Variants in STMN3 observed in about 807,000 individuals in gnomAD.
The protein encoded by STMN3 is stathmin-3.
STMN3 carries 24 observed loss-of-function variants against 23.2 expected under a neutral mutation model. That is an observed-to-expected ratio of 1.03 (90% CI 0.75 to 1.45). The LOEUF (loss-of-function observed/expected upper bound fraction) is 1.45. STMN3 is among the 40% of genes most tolerant of loss of function. The pLI is 0.00. For synonymous variants in STMN3, 117 were observed against 103.4 expected, an observed-to-expected ratio of 1.13 and a Z score of -0.80; for missense variants, 235 against 237.6, an observed-to-expected ratio of 0.99 and a Z score of 0.07.
intron 4 of STMN3, 55 bp from the exon 5 acceptor site, chr20:63,641,452 G>A (rs1235936033): frequency 3.4e-6 from 5 of 1,469,606 alleles, no homozygotes; most frequent in Non-Finnish European, 4.6e-6. Context: ...GGGCGACTCC[G>A]GGAACCCCCA....
Position 63,641,255 on chromosome 20 carries a change from T to C in STMN3, c.*83A>G. ...GGGGGTGGGGGAGGAGGAACAAAAG[T>C]TGCATCTAGACAGAGGTGAACGAAA... On this transcript the variant is annotated 3_prime_UTR_variant, in exon 5 of 5. Coordinates refer to ENST00000370053, the MANE Select transcript of STMN3 (RefSeq NM_015894.4). The C allele has an allele frequency of 7.8e-7, 1 of 1,279,150 alleles. No individual in the cohort carries two copies. Among genetic ancestry groups the C allele is most frequent in the African/African-American group, 1.5e-5 (1 of 67,544 alleles). 79.2% of individuals were successfully genotyped at this position (1,279,150 alleles called of 1,614,324 possible).
At chr20:63,651,715 C>T (rs1348129402) in intron 1 of STMN3, among the ~76,000 whole-genome samples, 1 of 152,244 alleles carries the variant, frequency 6.6e-6, no homozygotes, top group Non-Finnish European at 1.5e-5. Context: ...CCAGCACCGT[C>T]ATCTCTACCC....
At chr20:63,649,087 A>T (rs1286220703) in intron 1 of STMN3, among the ~76,000 whole-genome samples, 1 of 152,176 alleles carries the variant, frequency 6.6e-6, no homozygotes, top group Non-Finnish European at 1.5e-5. Flanking sequence ...GGTGCGGCTC[A>T]GCATCTGATG....
chr20:63,649,349 G>C (rs2089840319), intron 1 of STMN3, among the ~76,000 whole-genome samples: 3 of 152,270 alleles, frequency 2.0e-5, no homozygotes, highest in Admixed American at 2.0e-4. Context: ...GGCTGGTCAG[G>C]GGCGAGGCAG....
chr20:63,640,165 G>T lies in STMN3; in HGVS notation c.*1173C>A, dbSNP rs959633537. 1.3e-5 allele frequency: 2 copies of T among 152,740 alleles called. No homozygotes were observed. The highest frequency in any genetic ancestry group is 4.8e-5 in the African/African-American group (2 of 41,444). 9.5% of individuals were successfully genotyped at this position (152,740 alleles called of 1,614,324 possible). ...GGGCCAGGCAGCAGCTTTGGGATGG[G>T]GCTTCCGTGGAGAAGTGGGGGATGC... is the stretch of plus-strand genomic sequence containing the variant. On this transcript the variant is annotated 3_prime_UTR_variant, in exon 5 of 5. Coordinates refer to ENST00000370053, the MANE Select transcript of STMN3 (RefSeq NM_015894.4).
intron 1 of STMN3, among the ~76,000 whole-genome samples, chr20:63,647,967 T>C (rs1338293361): frequency 1.7e-4 from 14 of 83,466 alleles, no homozygotes; most frequent in Admixed American, 2.7e-4. Flanking sequence ...TATGTATATA[T>C]ATATATATAT....
intron 1 of STMN3, among the ~76,000 whole-genome samples, chr20:63,646,417 C>A (rs1287065230): frequency 5.9e-5 from 9 of 151,974 alleles, no homozygotes; most frequent in African/African-American, 9.7e-5. Context: ...TGCAGTGGTG[C>A]GATCTCGGCT....
intron 1 of STMN3, among the ~76,000 whole-genome samples, chr20:63,645,155 C>CG (rs2089800234): frequency 6.6e-6 from 1 of 152,208 alleles, no homozygotes; most frequent in Non-Finnish European, 1.5e-5. Context: ...CTACTTCTCT[C>CG]TCCCCTCCTC....
At position 63,639,715 on chromosome 20, in the gene STMN3, T is replaced by C. The variant is rs2089744297; in HGVS notation, c.*1623A>G. ...ACACACAGACAGTTCAACCATGTCTTAAACACACAGGTGTTTATTTAATTG... is the reference window on the plus strand; with the variant it reads ...ACACACAGACAGTTCAACCATGTCTCAAACACACAGGTGTTTATTTAATTG... On this transcript the variant is annotated 3_prime_UTR_variant, in exon 5 of 5. Coordinates refer to ENST00000370053, the MANE Select transcript of STMN3 (RefSeq NM_015894.4). The C allele has an allele frequency of 6.6e-6, 1 of 152,376 alleles. No individual in the cohort carries two copies. The highest frequency in any genetic ancestry group is 1.5e-5 in the Non-Finnish European group (1 of 68,072). 9.4% of individuals were successfully genotyped at this position (152,376 alleles called of 1,614,324 possible). A position where few individuals can be genotyped will look rare whatever the true frequency, so the allele number is the denominator to read the frequency against.
rs775359293 is a variant in STMN3, at chr20:63,644,313, T to G, written c.20-4A>C. On this transcript the variant is annotated splice_region_variant and splice_polypyrimidine_tract_variant and intron_variant, in intron 1 of 4. Transcript: ENST00000370053. ...TCCTTCATCTTCTCCTTGTAGGCTG[T>G]GGGCACAAGGCTGGGCTGAGCAAGC... is the stretch of plus-strand genomic sequence containing the variant. The G allele has an allele frequency of 6.2e-7, 1 of 1,609,806 alleles. No homozygotes were observed. The highest frequency in any genetic ancestry group is 2.2e-5 in the East Asian group (1 of 44,796).
rs1352284250 is a variant in STMN3, at chr20:63,644,212, A to G, written c.115+2T>C. The G allele has an allele frequency of 6.2e-7, 1 of 1,611,784 alleles. No individual in the cohort carries two copies. The highest frequency in any genetic ancestry group is 8.5e-7 in the Non-Finnish European group (1 of 1,178,482). On this transcript the variant is annotated splice_donor_variant, in intron 2 of 4. Coordinates refer to ENST00000370053, the MANE Select transcript of STMN3 (RefSeq NM_015894.4). LOFTEE classifies it high-confidence loss of function. The stretch of plus-strand genomic sequence containing the variant: ...AAGGGCAGGCGGCAGCCAGGCACTC[A>G]CCCCCGTACTGGTAGACGGTATTGG...
Position 63,644,207 on chromosome 20 carries a change from C to T in STMN3, c.115+7G>A. On this transcript the variant is annotated splice_region_variant and intron_variant, in intron 2 of 4. Transcript: ENST00000370053. ...CAGGGAAGGGCAGGCGGCAGCCAGG[C>T]ACTCACCCCCGTACTGGTAGACGGT... The T allele has an allele frequency of 6.2e-7, 1 of 1,611,940 alleles. No homozygotes were observed. The highest frequency in any genetic ancestry group is 8.5e-7 in the Non-Finnish European group (1 of 1,178,658).
chr20:63,641,388 C>G lies in STMN3; in HGVS notation c.493G>C (p.Ala165Pro). Reference sequence around the variant, plus strand: ...TCCTTGTTCCTGCGCACCTCGGCCGCGTGCAGCTCCTGCAGGACAGGGGGC... The same window carrying G: ...TCCTTGTTCCTGCGCACCTCGGCCGGGTGCAGCTCCTGCAGGACAGGGGGC... ...RERLREKELH[A>P]AEVRRNKEQR... is the part of the protein sequence containing the mutation. The change falls in exon 5 of 5, where the codon GCG (alanine) becomes CCG (proline). Residue 165 changes from alanine (A) to proline (P), a missense_variant. Coordinates refer to ENST00000370053, the MANE Select transcript of STMN3 (RefSeq NM_015894.4). 3 of 1,566,070 alleles carry G rather than the reference C, an allele frequency of 1.9e-6. No homozygotes were observed. Among genetic ancestry groups the G allele is most frequent in the Non-Finnish European group, 2.6e-6 (3 of 1,156,386 alleles).
intron 1 of STMN3, among the ~76,000 whole-genome samples, chr20:63,650,204 G>A (rs1288794450): frequency 2.3e-5 from 3 of 132,408 alleles, no homozygotes; most frequent in Non-Finnish European, 3.3e-5. Context: ...CTTTCTCACC[G>A]CCCCCTCCCC....
Position 63,641,029 on chromosome 20 carries a change from G to A in STMN3, c.*309C>T. The A allele has an allele frequency of 2.1e-6, 1 of 471,150 alleles. No individual in the cohort carries two copies. Among genetic ancestry groups the A allele is most frequent in the South Asian group, 2.0e-5 (1 of 49,308 alleles). 29.2% of individuals were successfully genotyped at this position (471,150 alleles called of 1,614,324 possible). A position where few individuals can be genotyped will look rare whatever the true frequency, so the allele number is the denominator to read the frequency against. On this transcript the variant is annotated 3_prime_UTR_variant, in exon 5 of 5. Transcript: ENST00000370053. ...CCAGCGTAAGGACCCGTGATCCCAC[G>A]CCACCGCCCTGGGTTTACCACGGTC...
In STMN3 at chr20:63,641,313, G is replaced by A. The variant is rs755037521; in HGVS notation, c.*25C>T. Reference sequence around the variant, plus strand: ...AAAACCCGAACGTGTTCTGTCGCAGGATGGGCGCCGCCCGTCCCGGGCCCT... The same window carrying A: ...AAAACCCGAACGTGTTCTGTCGCAGAATGGGCGCCGCCCGTCCCGGGCCCT... On this transcript the variant is annotated 3_prime_UTR_variant, in exon 5 of 5. Coordinates refer to ENST00000370053, the MANE Select transcript of STMN3 (RefSeq NM_015894.4). The A allele has an allele frequency of 2.1e-5, 33 of 1,557,336 alleles. No homozygotes were observed. Among genetic ancestry groups the A allele is most frequent in the Admixed American group, 7.6e-5 (4 of 52,504 alleles).
intron 1 of STMN3, among the ~76,000 whole-genome samples, chr20:63,651,436 T>C (rs1401149882): frequency 6.6e-6 from 1 of 152,128 alleles, no homozygotes; most frequent in Non-Finnish European, 1.5e-5. Context: ...CACAGTGGCC[T>C]CTGACCCCTG....
rs1409732129 is a variant in STMN3 at position 63,641,308 on chromosome 20, C to T, written c.*30G>A. 2 of 1,555,386 alleles carry T rather than the reference C, an allele frequency of 1.3e-6. No individual in the cohort carries two copies. Among genetic ancestry groups the T allele is most frequent in the Non-Finnish European group, 1.7e-6 (2 of 1,149,984 alleles). On this transcript the variant is annotated 3_prime_UTR_variant, in exon 5 of 5. Transcript: ENST00000370053. ...AAACCAAAACCCGAACGTGTTCTGTCGCAGGATGGGCGCCGCCCGTCCCGG... is the reference window on the plus strand; with the variant it reads ...AAACCAAAACCCGAACGTGTTCTGTTGCAGGATGGGCGCCGCCCGTCCCGG...
chr20:63,647,991 T>TATATATATATACACACAC (rs1288050001), intron 1 of STMN3, among the ~76,000 whole-genome samples: 4 of 75,894 alleles, frequency 5.3e-5, no homozygotes, highest in South Asian at 4.4e-4. Flanking sequence ...CATATATATA[T>TATATATATATACACACAC]ACAGAGAGAG....
Sources: allele counts gnomAD v4.1 joint callset (sites outside exome capture counted in the v4.1 genomes callset), GRCh38; gene constraint gnomAD v4.1.1; transcripts MANE v1.5; gene names NCBI Gene and HGNC (gene_info 2026-07-23, HGNC 2026-07-21).